Variants in HEATR5A observed in about 807,000 individuals in gnomAD.
The protein encoded by HEATR5A is HEAT repeat-containing protein 5A.
In HEATR5A, 178 loss-of-function variants were observed where a neutral mutation model predicts 218.8. The observed-to-expected ratio is 0.81, with a 90% CI of 0.72 to 0.92. The LOEUF (loss-of-function observed/expected upper bound fraction) is 0.92. Ranked by LOEUF, HEATR5A falls within the 40% of genes least tolerant of loss-of-function variation. The probability of loss-of-function intolerance (pLI) is 0.00; values close to 1 mark genes in which losing one functional copy is unlikely to be tolerated. For missense variants in HEATR5A, 2,420 were observed against 2,418.9 expected (o/e 1.00, Z -0.01); for synonymous variants, 864 against 871.6 (o/e 0.99, Z 0.15).
intron 31 of HEATR5A, 57 bp from the exon 32 acceptor site, chr14:31,305,234 A>T: frequency 6.5e-7 from 1 of 1,527,202 alleles, no homozygotes; most frequent in Non-Finnish European, 8.9e-7. Flanking sequence ...GGTAGATGGC[A>T]ATTTAGTTAA....
intron 1 of HEATR5A, among the ~76,000 whole-genome samples, chr14:31,404,952 C>T (rs753751369): frequency 2.0e-5 from 3 of 147,290 alleles, no homozygotes; most frequent in Non-Finnish European, 4.5e-5. Flanking sequence ...GTGCCATGTG[C>T]GATGGCTCAT....
intron 28 of HEATR5A, among the ~76,000 whole-genome samples, chr14:31,310,699 T>C (rs904035624): frequency 6.6e-6 from 1 of 152,138 alleles, no homozygotes; most frequent in Non-Finnish European, 1.5e-5. Flanking sequence ...CTTAACATTA[T>C]GTTTTTAAGA....
intron 32 of HEATR5A, among the ~76,000 whole-genome samples, chr14:31,304,357 G>A (rs993099645): frequency 2.0e-5 from 3 of 152,100 alleles, no homozygotes; most frequent in African/African-American, 7.2e-5. Context: ...CCACTGACTG[G>A]TCAGAAGTAC....
chr14:31,338,492 T>C (rs1223583724), intron 21 of HEATR5A, among the ~76,000 whole-genome samples: 1 of 152,158 alleles, frequency 6.6e-6, no homozygotes, highest in Non-Finnish European at 1.5e-5. Context: ...TATCTACCCA[T>C]GGCAAATGAT....
intron 13 of HEATR5A, among the ~76,000 whole-genome samples, chr14:31,369,805 G>A (rs906027939): frequency 1.3e-5 from 2 of 151,658 alleles, no homozygotes; most frequent in Admixed American, 6.6e-5. Context: ...GTGCATGCCT[G>A]TAATCCCAGC....
chr14:31,404,784 C>T (rs1475457433), intron 1 of HEATR5A, among the ~76,000 whole-genome samples: 3 of 151,654 alleles, frequency 2.0e-5, no homozygotes, highest in South Asian at 2.1e-4. Flanking sequence ...CATGGTGGCG[C>T]GTGCCTGTAG....
At chr14:31,341,156 T>C (rs1002061915) in intron 21 of HEATR5A, among the ~76,000 whole-genome samples, 1 of 152,200 alleles carries the variant, frequency 6.6e-6, no homozygotes, top group Non-Finnish European at 1.5e-5. Flanking sequence ...TGACTATGAT[T>C]GTGTATTAAA....
At chr14:31,384,006 C>T (rs2030102137) in intron 9 of HEATR5A, among the ~76,000 whole-genome samples, 1 of 152,146 alleles carries the variant, frequency 6.6e-6, no homozygotes, top group African/African-American at 2.4e-5. Flanking sequence ...TAATATATCT[C>T]ATGAAAGTTG....
At chr14:31,311,248 AC>A (rs1202218274) in intron 28 of HEATR5A, among the ~76,000 whole-genome samples, 6 of 152,212 alleles carry the variant, frequency 3.9e-5, no homozygotes, top group Admixed American at 2.6e-4. Flanking sequence ...AAAAATAAGA[AC>A]CCTATCCCTA....
At position 31,309,110 on chromosome 14, in the gene HEATR5A, A is replaced by G; in HGVS notation, c.4514T>C (p.Leu1505Pro). 2 of 1,613,996 alleles carry G rather than the reference A, an allele frequency of 1.2e-6. No individual in the cohort carries two copies. The highest frequency in any genetic ancestry group is 1.7e-6 in the Non-Finnish European group (2 of 1,179,866). Residue 1505 changes from leucine (L) to proline (P), a missense_variant, in exon 29 of 36, where the codon CTC becomes CCC. By Grantham distance (98) the Leu-to-Pro change is moderately conservative. Transcript: ENST00000543095. Reference sequence around the variant, plus strand: ...TGTAAGCCACAATGCTGTAGCATGGAGGATAAGTGCCCAGGAGTTGTAATA... The same window carrying G: ...TGTAAGCCACAATGCTGTAGCATGGGGGATAAGTGCCCAGGAGTTGTAATA... ...LHYYNSWALI[L>P]HATALWLTST... is the part of the protein sequence containing the mutation.
chr14:31,329,388 A>G (rs1313543373), intron 22 of HEATR5A, among the ~76,000 whole-genome samples: 3 of 152,224 alleles, frequency 2.0e-5, no homozygotes, highest in Admixed American at 1.3e-4. Flanking sequence ...TCCTAGATAC[A>G]ATGGGGGTAC....
chr14:31,331,173 C>T (rs1241442816), intron 22 of HEATR5A, among the ~76,000 whole-genome samples: 1 of 152,048 alleles, frequency 6.6e-6, no homozygotes, highest in Non-Finnish European at 1.5e-5. Context: ...CTCCTGACCT[C>T]AGGTGATCCA....
chr14:31,339,706 A>G (rs2182256), intron 21 of HEATR5A, among the ~76,000 whole-genome samples: 128,607 of 151,998 alleles, frequency 0.85, 55,297 homozygotes, highest in Non-Finnish European at 0.93. Flanking sequence ...AGTGGATAGA[A>G]AGGAATGCCA....
At chr14:31,412,834 A>G (rs1566787085) in intron 1 of HEATR5A, among the ~76,000 whole-genome samples, 1 of 152,218 alleles carries the variant, frequency 6.6e-6, no homozygotes, top group Non-Finnish European at 1.5e-5. Context: ...AGATGAGGCC[A>G]TTGCACTCCA....
At chr14:31,379,232 C>T (rs542023418) in intron 11 of HEATR5A, among the ~76,000 whole-genome samples, 100 of 146,224 alleles carry the variant, frequency 6.8e-4, no homozygotes, top group African/African-American at 2.3e-3. Flanking sequence ...ACGGCGTGAG[C>T]CACTGCGCCC....
intron 33 of HEATR5A, chr14:31,297,598 C>G (rs1193931068): frequency 1.3e-5 from 2 of 152,114 alleles, no homozygotes; most frequent in Non-Finnish European, 2.9e-5. Context: ...TCAAGAGGCA[C>G]AGTAGCAGTG....
intron 33 of HEATR5A, among the ~76,000 whole-genome samples, chr14:31,298,273 G>A (rs959717619): frequency 6.6e-6 from 1 of 152,076 alleles, no homozygotes; most frequent in African/African-American, 2.4e-5. Context: ...ACTAAGTTTT[G>A]AGGCAATTTT....
chr14:31,334,752 C>G (rs550965210), intron 22 of HEATR5A, among the ~76,000 whole-genome samples: 2 of 152,158 alleles, frequency 1.3e-5, no homozygotes, highest in Admixed American at 6.5e-5. Context: ...TGAGACAATC[C>G]TGGCTAACAT....
intron 6 of HEATR5A, among the ~76,000 whole-genome samples, chr14:31,389,430 A>T (rs76442631): frequency 0.084 from 12,799 of 152,252 alleles, 601 homozygotes; most frequent in East Asian, 0.15. Context: ...ACTGTCAAAG[A>T]AGTTTATATA....
Sources: allele counts gnomAD v4.1 joint callset (sites outside exome capture counted in the v4.1 genomes callset), GRCh38; gene constraint gnomAD v4.1.1; transcripts MANE v1.5; gene names NCBI Gene and HGNC (gene_info 2026-07-23, HGNC 2026-07-21).